The following SLC16A5 variants were observed in gnomAD, a reference collection of about 807,000 sequenced individuals.
The protein encoded by SLC16A5 is monocarboxylate transporter 6.
In SLC16A5, 29 loss-of-function variants were observed where a neutral mutation model predicts 33.2. That is an observed-to-expected ratio of 0.87 (90% CI 0.65 to 1.19). The LOEUF (loss-of-function observed/expected upper bound fraction) is 1.19, where lower values mean the gene tolerates loss of function less well. SLC16A5 is among the 50% of genes most tolerant of loss of function. The pLI, the probability that SLC16A5 is intolerant of heterozygous loss-of-function variation, is 0.00. For synonymous variants in SLC16A5, 248 were observed against 284.1 expected, an observed-to-expected ratio of 0.87 and a Z score of 1.28; for missense variants, 606 against 678.2, an observed-to-expected ratio of 0.89 and a Z score of 1.18.
chr17:75,093,631 C>T lies in SLC16A5; in HGVS notation c.-6C>T. On this transcript the variant is annotated 5_prime_UTR_variant, in exon 3 of 7. Transcript: ENST00000329783. ...AGTGAGGCCGTGGCAGCGTCGGCAG[C>T]AGAGGATGCCCCAGGCCCTGGAGCG... The T allele has an allele frequency of 6.2e-7, 1 of 1,607,146 alleles. No individual in the cohort carries two copies. Among genetic ancestry groups the T allele is most frequent in the Non-Finnish European group, 8.5e-7 (1 of 1,178,240 alleles).
downstream of SLC16A5, chr17:75,106,256 C>A (rs1046126968): frequency 2.7e-6 from 1 of 371,736 alleles, no homozygotes; most frequent in South Asian, 5.5e-5. Context: ...TGGCTCCCCA[C>A]CCAGTCTTAC....
In SLC16A5 at chr17:75,100,142, G is replaced by A. The variant is rs780567813; in HGVS notation, c.479G>A (p.Arg160His). The change falls in exon 5 of 7, where the codon CGC becomes CAC. Residue 160 changes from arginine to histidine, a missense_variant. Physicochemically the swap from Arg to His is conservative, Grantham distance 29. Coordinates refer to ENST00000329783, the MANE Select transcript of SLC16A5 (RefSeq NM_004695.4). The part of the protein sequence containing the change: ...LGITLWPLLS[R>H]YLLENLGWRG... ...ATCACCCTCTGGCCGCTGCTCTCCCGCTACCTTCTGGAGAACCTGGGCTGG... is the reference window on the plus strand; with the variant it reads ...ATCACCCTCTGGCCGCTGCTCTCCCACTACCTTCTGGAGAACCTGGGCTGG... 1.2e-5 allele frequency: 20 copies of A among 1,614,054 alleles called. No homozygotes were observed. The highest frequency in any genetic ancestry group is 3.3e-5 in the South Asian group (3 of 91,082).
At chr17:75,093,161 G>A in intron 2 of SLC16A5, 1 of 520,256 alleles carries the variant, frequency 1.9e-6, no homozygotes, top group Admixed American at 3.3e-5. Context: ...GGGCAGGAGG[G>A]TGTATCCTTG....
chr17:75,104,796 C>T, intron 6 of SLC16A5: 2 of 985,376 alleles, frequency 2.0e-6, no homozygotes, highest in Non-Finnish European at 2.4e-6. Context: ...AGCAGGCCCT[C>T]CGGACTTTTT....
At chr17:75,093,271 A>C in intron 2 of SLC16A5, 1 of 738,084 alleles carries the variant, frequency 1.4e-6, no homozygotes, top group Non-Finnish European at 2.2e-6. Context: ...GTTGACTTCT[A>C]AGTGATGTAA....
intron 6 of SLC16A5, 130 bp from the exon 7 acceptor site, chr17:75,105,750 C>T (rs914635342): frequency 1.2e-5 from 17 of 1,412,996 alleles, no homozygotes; most frequent in African/African-American, 1.4e-5. Flanking sequence ...AGCTGGAGTA[C>T]GTTTCCCCTC....
At chr17:75,105,256 G>A (rs1161720408) in intron 6 of SLC16A5, 1 of 985,338 alleles carries the variant, frequency 1.0e-6, no homozygotes. Context: ...AGCAGGACCT[G>A]CTCTATCAAG....
intron 2 of SLC16A5, 49 bp from the exon 3 acceptor site, chr17:75,093,540 G>C: frequency 6.5e-7 from 1 of 1,541,090 alleles, no homozygotes. Flanking sequence ...TGGGCCAGGA[G>C]AGACGGACAG....
intron 6 of SLC16A5, chr17:75,105,215 C>T (rs998964844): frequency 2.1e-4 from 205 of 985,304 alleles, no homozygotes; most frequent in Non-Finnish European, 2.4e-4. Context: ...ATCCTAGAAT[C>T]GGTGAAGTCT....
chr17:75,106,174 G>C (rs4789141), downstream of SLC16A5: 331,934 of 495,480 alleles, frequency 0.67, 113,847 homozygotes, highest in South Asian at 0.72. Flanking sequence ...GTAGGAGGTT[G>C]GTTTGGATGA....
downstream of SLC16A5, among the ~76,000 whole-genome samples, chr17:75,108,148 A>G (rs1208619662): frequency 1.3e-5 from 2 of 152,170 alleles, no homozygotes; most frequent in Non-Finnish European, 2.9e-5. Context: ...GGGGTGGCCC[A>G]TCTGATTCAG....
chr17:75,093,299 A>G lies in SLC16A5; in HGVS notation c.-48-290A>G, dbSNP rs893375229. The G allele has an allele frequency of 6.5e-5, 59 of 903,192 alleles. No individual in the cohort carries two copies. In the African/African-American group the frequency reaches 7.2e-4, roughly 11 times the overall value. 55.9% of individuals were successfully genotyped at this position (903,192 alleles called of 1,614,324 possible). On this transcript the variant is annotated intron_variant, in intron 2 of 6. Coordinates refer to ENST00000329783, the MANE Select transcript of SLC16A5 (RefSeq NM_004695.4). ...TGATGTAACAATTAGAGACAATTGT[A>G]CCCCATTGCCTGGTGCCACCTGCCC...
intron 1 of SLC16A5, among the ~76,000 whole-genome samples, chr17:75,088,747 C>G (rs2073600661): frequency 6.6e-6 from 1 of 152,134 alleles, no homozygotes; most frequent in Non-Finnish European, 1.5e-5. Context: ...GAGGAGGCCC[C>G]CTCGACTCTG....
rs1310805627 is a variant in SLC16A5 at position 75,100,179 on chromosome 17, C to G, written c.516C>G (p.Phe172Leu). Residue 172 changes from phenylalanine to leucine, a missense_variant, in exon 5 of 7, where the codon TTC becomes TTG. Physicochemically the swap from Phe to Leu is conservative, Grantham distance 22. Transcript: ENST00000329783. ...AGAACCTGGGCTGGAGGGGTACCTT[C>G]CTTGTCTTCGGCGGGATCTTTCTCC... is the stretch of plus-strand genomic sequence containing the variant. ...LLENLGWRGT[F>L]LVFGGIFLHC... 6.2e-7 allele frequency: 1 copy of G among 1,614,114 alleles called. No homozygotes were observed. The highest frequency in any genetic ancestry group is 8.5e-7 in the Non-Finnish European group (1 of 1,180,044).
chr17:75,089,531 G>T (rs1299647786), intron 2 of SLC16A5, among the ~76,000 whole-genome samples: 1 of 151,962 alleles, frequency 6.6e-6, no homozygotes, highest in Admixed American at 6.6e-5. Flanking sequence ...GAGGCAGGCG[G>T]ATCACTTGAG....
rs763268146 is a variant in SLC16A5 at position 75,100,245 on chromosome 17, C to G, written c.582C>G (p.Thr194=). 3 of 1,614,122 alleles carry G rather than the reference C, an allele frequency of 1.9e-6. No individual in the cohort carries two copies. The African/African-American group carries it at 4.0e-5, about 22-fold the overall frequency. ...GGGCCATCATAAGGCCTGTGGCCAC[C>G]AGTGTGGCCCCTGAGACCAAAGAAT... ...ICGAIIRPVA[T]SVAPETKECP... The change falls in exon 5 of 7, where the codon ACC becomes ACG. Residue 194 remains threonine, a synonymous_variant. Transcript: ENST00000329783.
chr17:75,100,214 T>C lies in SLC16A5; in HGVS notation c.551T>C (p.Ile184Thr). 1 of 1,614,224 alleles carries C rather than the reference T, an allele frequency of 6.2e-7. No homozygotes were observed. The highest frequency in any genetic ancestry group is 8.5e-7 in the Non-Finnish European group (1 of 1,180,034). Residue 184 changes from isoleucine (I) to threonine (T), a missense_variant, in exon 5 of 7, where the codon ATC (isoleucine) becomes ACC (threonine). Coordinates refer to ENST00000329783, the MANE Select transcript of SLC16A5 (RefSeq NM_004695.4). Reference protein sequence around the residue: ...VFGGIFLHCCICGAIIRPVAT... With the variant: ...VFGGIFLHCCTCGAIIRPVAT... ...GGCGGGATCTTTCTCCACTGCTGCATCTGCGGGGCCATCATAAGGCCTGTG... is the reference window on the plus strand; with the variant it reads ...GGCGGGATCTTTCTCCACTGCTGCACCTGCGGGGCCATCATAAGGCCTGTG...
intron 2 of SLC16A5, among the ~76,000 whole-genome samples, chr17:75,090,921 C>G (rs1403317081): frequency 6.6e-6 from 1 of 152,124 alleles, no homozygotes; most frequent in Admixed American, 6.6e-5. Context: ...GGGCAAAGTC[C>G]CCAAAAACAC....
At chr17:75,091,091 C>T (rs572045450) in intron 2 of SLC16A5, among the ~76,000 whole-genome samples, 2 of 152,254 alleles carry the variant, frequency 1.3e-5, no homozygotes, top group South Asian at 4.1e-4. Context: ...ACCAGGGCCT[C>T]GGGGCCTGGG....
Sources: allele counts gnomAD v4.1 joint callset (sites outside exome capture counted in the v4.1 genomes callset), GRCh38; gene constraint gnomAD v4.1.1; transcripts MANE v1.5; gene names NCBI Gene and HGNC (gene_info 2026-07-23, HGNC 2026-07-21).